The following SENP7 variants were observed in gnomAD, a reference collection of about 807,000 sequenced individuals.
SENP7 encodes the protein SUMO specific peptidase 7, also known as sentrin-specific protease 7.
In SENP7, 64 loss-of-function variants were observed where a neutral mutation model predicts 141.2. That is an observed-to-expected ratio of 0.45 (90% CI 0.37 to 0.56). The LOEUF (loss-of-function observed/expected upper bound fraction) is 0.56, where lower values mean the gene tolerates loss of function less well. Among genes scored for constraint, SENP7 ranks in the 20% least tolerant of loss-of-function variants. The pLI is 0.00. For synonymous variants in SENP7, 382 were observed against 426.4 expected, an observed-to-expected ratio of 0.90 and a Z score of 1.28; for missense variants, 1,025 against 1,212.2, an observed-to-expected ratio of 0.85 and a Z score of 2.29.
At chr3:101,455,726 C>A (rs889073558) in intron 4 of SENP7, among the ~76,000 whole-genome samples, 4 of 152,162 alleles carry the variant, frequency 2.6e-5, no homozygotes, top group Admixed American at 6.5e-5. Context: ...GCAAATACAT[C>A]ATAATTTCTC....
intron 5 of SENP7, among the ~76,000 whole-genome samples, chr3:101,402,920 T>C (rs2061193369): frequency 6.6e-6 from 1 of 152,198 alleles, no homozygotes. Context: ...AGAAGTAATT[T>C]CAAGTTTCAA....
chr3:101,467,155 T>A (rs2063789186), intron 3 of SENP7, among the ~76,000 whole-genome samples: 1 of 152,204 alleles, frequency 6.6e-6, no homozygotes. Flanking sequence ...TTGCTGAGGC[T>A]TGAGTAGGTA....
chr3:101,341,201 T>C (rs959600558), intron 15 of SENP7, among the ~76,000 whole-genome samples: 2 of 152,170 alleles, frequency 1.3e-5, no homozygotes, highest in African/African-American at 4.8e-5. Context: ...TATTCTTCCT[T>C]AGCACCATGA....
In SENP7 at chr3:101,424,475, T is replaced by C. The variant is rs146967572; in HGVS notation, c.285-6685A>G. ...CTGACCACCATTGCAGTGCAAACCA[T>C]GGCGAGCACAAAGCCAGCCAGCCTT... On this transcript the variant is annotated intron_variant, in intron 4 of 23. Transcript: ENST00000394095. 4.4e-3 allele frequency among the ~76,000 whole-genome samples: 665 copies of C among 152,042 alleles called. 6 individuals are homozygous for C. The highest frequency in any genetic ancestry group is 0.014 in the African/African-American group (593 of 41,446).
intron 16 of SENP7, among the ~76,000 whole-genome samples, chr3:101,338,034 T>C (rs1353086994): frequency 1.3e-5 from 2 of 151,442 alleles, no homozygotes; most frequent in African/African-American, 2.4e-5. Context: ...GCACCTGTGG[T>C]CCCAGCTACT....
At chr3:101,382,475 C>T (rs1223868931) in intron 6 of SENP7, among the ~76,000 whole-genome samples, 1 of 152,204 alleles carries the variant, frequency 6.6e-6, no homozygotes, top group Non-Finnish European at 1.5e-5. Flanking sequence ...TGAGTCACCA[C>T]ACCCAAGCCT....
chr3:101,387,917 C>T (rs939607808), intron 6 of SENP7, among the ~76,000 whole-genome samples: 13 of 152,176 alleles, frequency 8.5e-5, no homozygotes, highest in South Asian at 8.3e-4. Flanking sequence ...TGGCTTCTGG[C>T]GGACTGAGTA....
intron 4 of SENP7, among the ~76,000 whole-genome samples, chr3:101,424,450 C>A (rs1260465780): frequency 6.6e-6 from 1 of 152,152 alleles, no homozygotes; most frequent in African/African-American, 2.4e-5. Context: ...GCTCCCACAA[C>A]TGACCACCAT....
intron 4 of SENP7, among the ~76,000 whole-genome samples, chr3:101,429,735 G>T (rs1043937107): frequency 1.3e-5 from 2 of 152,106 alleles, no homozygotes; most frequent in African/African-American, 2.4e-5. Flanking sequence ...CGTTGAATAG[G>T]AGTAGTAAGA....
intron 3 of SENP7, among the ~76,000 whole-genome samples, chr3:101,474,857 A>G (rs1271792930): frequency 3.3e-5 from 5 of 152,154 alleles, no homozygotes; most frequent in Admixed American, 6.6e-5. Context: ...TATGAGAGGA[A>G]TAAGTCTTCA....
At chr3:101,488,245 T>G (rs181413116) in intron 3 of SENP7, among the ~76,000 whole-genome samples, 1 of 152,292 alleles carries the variant, frequency 6.6e-6, no homozygotes, top group East Asian at 1.9e-4. Flanking sequence ...GTGTTCTTGA[T>G]TTGACTCTCA....
chr3:101,465,095 G>A (rs2063716349), intron 3 of SENP7, among the ~76,000 whole-genome samples: 2 of 151,966 alleles, frequency 1.3e-5, no homozygotes, highest in Non-Finnish European at 2.9e-5. Flanking sequence ...GGTTCCTAGG[G>A]AACAACCTAC....
chr3:101,424,821 C>T (rs774381734), intron 4 of SENP7, among the ~76,000 whole-genome samples: 1 of 152,214 alleles, frequency 6.6e-6, no homozygotes, highest in Non-Finnish European at 1.5e-5. Context: ...CTAGGCCACA[C>T]TGCGTGATAC....
chr3:101,376,399 G>A (rs2060329867), intron 6 of SENP7, among the ~76,000 whole-genome samples: 1 of 150,920 alleles, frequency 6.6e-6, no homozygotes, highest in Admixed American at 6.6e-5. Context: ...TACAAAAAAG[G>A]TATTAAAATA....
At position 101,404,743 on chromosome 3, in the gene SENP7, T is replaced by C. The variant is rs558638078; in HGVS notation, c.483-5688A>G. Among the ~76,000 whole-genome samples the C allele has an allele frequency of 2.6e-5, 4 of 151,868 alleles. 1 individual carries two copies. Among genetic ancestry groups the C allele is most frequent in the African/African-American group, 9.7e-5 (4 of 41,390 alleles). On this transcript the variant is annotated intron_variant, in intron 5 of 23. Coordinates refer to ENST00000394095, the MANE Select transcript of SENP7 (RefSeq NM_020654.5). ...AATTAACATGAAAAAAAGCAAACAA[T>C]CCCATTACAAAGTGGGCAAAGGACA...
Position 101,410,885 on chromosome 3 carries a change from T to G in SENP7, c.482+6708A>C, listed in dbSNP as rs568677703. Among the ~76,000 whole-genome samples, 33 of 151,384 alleles carry G rather than the reference T, an allele frequency of 2.2e-4. 1 individual carries two copies. The highest frequency in any genetic ancestry group is 8.6e-4 in the Admixed American group (13 of 15,178). ...TAAAATAAAATAAAATAAAATAAAA[T>G]AAAAGAATTAGATATGGTATCTGTA... On this transcript the variant is annotated intron_variant, in intron 5 of 23. Coordinates refer to ENST00000394095, the MANE Select transcript of SENP7 (RefSeq NM_020654.5).
chr3:101,503,249 T>C (rs1213284982), intron 1 of SENP7, among the ~76,000 whole-genome samples: 2 of 152,204 alleles, frequency 1.3e-5, no homozygotes, highest in African/African-American at 4.8e-5. Context: ...AGTAAAAAGA[T>C]TGACAACACC....
chr3:101,481,181 C>T (rs554250628), intron 3 of SENP7, among the ~76,000 whole-genome samples: 8 of 151,942 alleles, frequency 5.3e-5, no homozygotes, highest in East Asian at 1.9e-4. Context: ...AAGATACATA[C>T]ACTCCCATGT....
chr3:101,453,519 T>C (rs1281033084), intron 4 of SENP7, among the ~76,000 whole-genome samples: 3 of 152,162 alleles, frequency 2.0e-5, no homozygotes, highest in Admixed American at 6.5e-5. Context: ...ATATACACCA[T>C]GGAATACTAT....
Sources: gnomAD v4.1 joint callset for allele counts (sites outside exome capture counted in the v4.1 genomes callset) on GRCh38, gnomAD v4.1.1 for gene constraint, MANE v1.5 for transcripts, NCBI Gene and HGNC (gene_info 2026-07-23, HGNC 2026-07-21) for gene names.